PLCE1: variants seen among roughly 807,000 people sequenced by gnomAD.
The protein encoded by PLCE1 is phospholipase C epsilon 1.
PLCE1 carries 119 observed loss-of-function variants against 242.8 expected under a neutral mutation model. That is an observed-to-expected ratio of 0.49 (90% CI 0.42 to 0.57). The LOEUF (loss-of-function observed/expected upper bound fraction) is 0.57. Among genes scored for constraint, PLCE1 ranks in the 20% least tolerant of loss-of-function variants. The pLI is 0.00. For synonymous variants in PLCE1, 945 were observed against 1,017.4 expected, an observed-to-expected ratio of 0.93 and a Z score of 1.35; for missense variants, 2,441 against 2,788.8, an observed-to-expected ratio of 0.88 and a Z score of 2.81.
At chr10:94,032,487 G>A (rs1398033713) in intron 2 of PLCE1, among the ~76,000 whole-genome samples, 1 of 152,076 alleles carries the variant, frequency 6.6e-6, no homozygotes, top group Admixed American at 6.6e-5. Flanking sequence ...TGGGAGTGGA[G>A]GAATTAGGGA....
chr10:94,136,300 TC>T (rs1304274451), intron 3 of PLCE1, among the ~76,000 whole-genome samples: 2 of 152,174 alleles, frequency 1.3e-5, no homozygotes, highest in Non-Finnish European at 2.9e-5. Flanking sequence ...GATGAAGAGT[TC>T]TGGAGCTTAC....
chr10:94,288,004 T>C (rs556267755), intron 22 of PLCE1, among the ~76,000 whole-genome samples: 6 of 152,314 alleles, frequency 3.9e-5, no homozygotes, highest in African/African-American at 1.4e-4. Context: ...CTCCTTCATT[T>C]ATAGGCATAT....
Position 94,321,976 on chromosome 10 carries a change from C to T in PLCE1, c.6418C>T (p.Gln2140Ter). Residue 2140 changes from glutamine to a stop codon, truncating the protein, a stop_gained, in exon 30 of 33, where the codon CAA becomes TAA. Transcript: ENST00000371380. LOFTEE classifies it high-confidence loss of function. ...CTCAGAGGAGGAGAGTTTCTTTGTC[C>T]AAGTGCATGATGTTTCTCCAGAGCA... is the stretch of plus-strand genomic sequence containing the variant. ...LSSEEESFFV[Q>*]VHDVSPEQPR... The T allele has an allele frequency of 6.2e-7, 1 of 1,613,708 alleles. No homozygotes were observed. The highest frequency in any genetic ancestry group is 8.5e-7 in the Non-Finnish European group (1 of 1,179,672).
At chr10:94,234,979 A>G (rs1326488724) in intron 6 of PLCE1, among the ~76,000 whole-genome samples, 1 of 152,004 alleles carries the variant, frequency 6.6e-6, no homozygotes. Flanking sequence ...AACTTTATGG[A>G]GATTTTGAGA....
At chr10:94,290,637 G>A (rs1025491492) in intron 22 of PLCE1, among the ~76,000 whole-genome samples, 6 of 151,044 alleles carry the variant, frequency 4.0e-5, no homozygotes, top group Non-Finnish European at 8.8e-5. Flanking sequence ...AATACTTCCT[G>A]AAGGACCTGC....
intron 3 of PLCE1, among the ~76,000 whole-genome samples, chr10:94,162,820 G>C (rs536519491): frequency 6.6e-6 from 1 of 152,148 alleles, no homozygotes; most frequent in Non-Finnish European, 1.5e-5. Context: ...TCTACACACT[G>C]CTTTAAATGT....
At chr10:94,174,894 G>C (rs1221028517) in intron 4 of PLCE1, among the ~76,000 whole-genome samples, 3 of 152,156 alleles carry the variant, frequency 2.0e-5, no homozygotes, top group Non-Finnish European at 4.4e-5. Flanking sequence ...GAGGCTCATA[G>C]TTTAGTTAGT....
intron 3 of PLCE1, among the ~76,000 whole-genome samples, chr10:94,163,711 G>T (rs886279074): frequency 1.3e-5 from 2 of 152,128 alleles, no homozygotes; most frequent in Non-Finnish European, 2.9e-5. Flanking sequence ...GATGTTAGCT[G>T]GTTATTTTGC....
chr10:94,222,819 C>G (rs2049801009), intron 4 of PLCE1, among the ~76,000 whole-genome samples: 1 of 152,220 alleles, frequency 6.6e-6, no homozygotes, highest in Non-Finnish European at 1.5e-5. Flanking sequence ...AATCTACCCT[C>G]TGAAGGACTG....
chr10:94,264,045 AG>A (rs1374612862), intron 14 of PLCE1, among the ~76,000 whole-genome samples: 2 of 152,326 alleles, frequency 1.3e-5, no homozygotes, highest in East Asian at 3.9e-4. Flanking sequence ...ATAAGATAAA[AG>A]TTCTGGTCCT....
At chr10:94,151,736 G>C (rs1464656069) in intron 3 of PLCE1, among the ~76,000 whole-genome samples, 1 of 152,166 alleles carries the variant, frequency 6.6e-6, no homozygotes, top group Non-Finnish European at 1.5e-5. Context: ...GAGCACCATG[G>C]CTGGAGAGTT....
chr10:94,077,540 G>A (rs550482806), intron 2 of PLCE1, among the ~76,000 whole-genome samples: 35 of 152,206 alleles, frequency 2.3e-4, no homozygotes, highest in Middle Eastern at 6.8e-3. Context: ...TGAGAGAATC[G>A]CTTAAGGCTA....
At chr10:94,092,220 A>C (rs2045103979) in intron 2 of PLCE1, among the ~76,000 whole-genome samples, 1 of 152,238 alleles carries the variant, frequency 6.6e-6, no homozygotes, top group Non-Finnish European at 1.5e-5. Context: ...CCTTTTCAGA[A>C]ACACAAAATA....
At chr10:94,200,784 G>T (rs2048964953) in intron 4 of PLCE1, among the ~76,000 whole-genome samples, 1 of 152,198 alleles carries the variant, frequency 6.6e-6, no homozygotes, top group Non-Finnish European at 1.5e-5. Context: ...GATAGTGTGT[G>T]CCCTGGATAT....
chr10:94,150,403 A>G (rs921591815), intron 3 of PLCE1, among the ~76,000 whole-genome samples: 4 of 152,200 alleles, frequency 2.6e-5, no homozygotes, highest in African/African-American at 9.6e-5. Context: ...GCCTCAGTCT[A>G]TAAGCCCAAG....
intron 5 of PLCE1, among the ~76,000 whole-genome samples, chr10:94,229,334 A>G (rs971580322): frequency 1.2e-4 from 19 of 152,244 alleles, no homozygotes; most frequent in African/African-American, 4.8e-5. Context: ...GCTGTTGGCC[A>G]GGGACCTTGC....
chr10:94,185,839 G>A (rs1018950185), intron 4 of PLCE1, among the ~76,000 whole-genome samples: 4 of 152,226 alleles, frequency 2.6e-5, no homozygotes, highest in African/African-American at 9.6e-5. Context: ...GAAGGCTTTT[G>A]TCAGGCACAG....
chr10:94,049,813 T>C (rs946363925), intron 2 of PLCE1, among the ~76,000 whole-genome samples: 30 of 152,190 alleles, frequency 2.0e-4, no homozygotes, highest in African/African-American at 7.0e-4. Context: ...TAATATTGTC[T>C]TCTAACACCA....
intron 3 of PLCE1, among the ~76,000 whole-genome samples, chr10:94,151,913 A>G (rs1020624310): frequency 3.3e-5 from 5 of 152,198 alleles, no homozygotes; most frequent in Admixed American, 6.5e-5. Context: ...ACACTTTGGC[A>G]TAGTCATTTT....
Sources: gnomAD v4.1 joint callset for allele counts (sites outside exome capture counted in the v4.1 genomes callset) on GRCh38, gnomAD v4.1.1 for gene constraint, MANE v1.5 for transcripts, NCBI Gene and HGNC (gene_info 2026-07-23, HGNC 2026-07-21) for gene names.